DAB1: variants seen among roughly 807,000 people sequenced by gnomAD.
The protein encoded by DAB1 is disabled homolog 1.
A neutral mutation model predicts 64.6 loss-of-function variants in DAB1; 15 were observed. The observed-to-expected ratio is 0.23, with a 90% CI of 0.16 to 0.36. The LOEUF is 0.36. Ranked by LOEUF, DAB1 falls within the 10% of genes least tolerant of loss-of-function variation. DAB1 has a pLI of 1.00. For missense variants in DAB1, 596 were observed against 706.7 expected, an observed-to-expected ratio of 0.84 and a Z score of 1.78; for synonymous variants, 235 against 251.9, an observed-to-expected ratio of 0.93 and a Z score of 0.64.
chr1:58,277,037 C>CT lies in DAB1; in HGVS notation n.309+66314dup, dbSNP rs869207396. Reference sequence around the variant, plus strand: ...AGAGTGTTGCAGAGACTTTTTTTTTCTTTTTTTTTTTTTTTTTTTTGAGAC... The same window carrying CT: ...AGAGTGTTGCAGAGACTTTTTTTTTCTTTTTTTTTTTTTTTTTTTTTGAGAC... On this transcript the variant is annotated intron_variant and non_coding_transcript_variant, in intron 4 of 20. Transcript: ENST00000485760. 5.2e-3 allele frequency among the ~76,000 whole-genome samples: 413 copies of CT among 79,636 alleles called. 6 individuals are homozygous for CT. The highest frequency in any genetic ancestry group is 6.2e-3 in the Admixed American group (42 of 6,794). 52.2% of individuals were successfully genotyped at this position (79,636 alleles called of 152,430 possible).
intron 5 of DAB1, among the ~76,000 whole-genome samples, chr1:58,041,088 C>T (rs1239408285): frequency 6.6e-6 from 1 of 152,286 alleles, no homozygotes; most frequent in Middle Eastern, 3.4e-3. Context: ...ACATACTCTC[C>T]TAATAATCTT....
At chr1:58,396,140 G>C (rs1226708382) in intron 3 of DAB1, among the ~76,000 whole-genome samples, 2 of 151,710 alleles carry the variant, frequency 1.3e-5, no homozygotes, top group Non-Finnish European at 2.9e-5. Flanking sequence ...AGGGGAGGGG[G>C]GGATGGAAAT....
At chr1:57,241,122 C>G (rs1325863271) in intron 2 of DAB1, among the ~76,000 whole-genome samples, 1 of 152,138 alleles carries the variant, frequency 6.6e-6, no homozygotes, top group Non-Finnish European at 1.5e-5. Flanking sequence ...CATAGTATCT[C>G]CAGTACTTAG....
At chr1:58,217,827 C>T (rs1304639124) in intron 4 of DAB1, among the ~76,000 whole-genome samples, 1 of 152,094 alleles carries the variant, frequency 6.6e-6, no homozygotes. Flanking sequence ...GTACCTAACA[C>T]AGAGCCCGGC....
Position 57,209,779 on chromosome 1 carries a change from T to G in DAB1, c.68-64350A>C, listed in dbSNP as rs143764858. Among the ~76,000 whole-genome samples the G allele has an allele frequency of 6.8e-3, 1,043 of 152,326 alleles. 5 individuals carry two copies. Among genetic ancestry groups the G allele is most frequent in the Admixed American group, 0.013 (204 of 15,294 alleles). On this transcript the variant is annotated intron_variant, in intron 2 of 14. Coordinates refer to ENST00000371236, the MANE Select transcript of DAB1 (RefSeq NM_001365792.1). ...GCCCTCTCCCTATTGTTTAATTCAA[T>G]GGCTCTCAATTGTTTCTCTCCTCTG...
At chr1:57,538,802 G>A (rs1183459122) in intron 7 of DAB1, among the ~76,000 whole-genome samples, 1 of 152,026 alleles carries the variant, frequency 6.6e-6, no homozygotes, top group Non-Finnish European at 1.5e-5. Flanking sequence ...GCAAACAAAA[G>A]TTCTATATTC....
intron 4 of DAB1, among the ~76,000 whole-genome samples, chr1:57,127,081 G>T (rs1312493945): frequency 2.6e-5 from 4 of 152,148 alleles, no homozygotes; most frequent in Non-Finnish European, 5.9e-5. Context: ...GATACAAATA[G>T]CTCCTGCAAG....
At chr1:57,975,293 A>G (rs1645893364) in intron 5 of DAB1, among the ~76,000 whole-genome samples, 1 of 152,202 alleles carries the variant, frequency 6.6e-6, no homozygotes, top group African/African-American at 2.4e-5. Context: ...CTGTGATAAT[A>G]TATTACAGTA....
At chr1:57,771,788 C>G (rs1557471383) in intron 6 of DAB1, among the ~76,000 whole-genome samples, 1 of 152,092 alleles carries the variant, frequency 6.6e-6, no homozygotes. Context: ...GATCTAATTT[C>G]AGTCATGATA....
At chr1:58,029,198 GC>G (rs1176559270) in intron 5 of DAB1, among the ~76,000 whole-genome samples, 2 of 152,208 alleles carry the variant, frequency 1.3e-5, no homozygotes, top group Non-Finnish European at 2.9e-5. Context: ...TGTCTGGGTA[GC>G]CCTTATCCCA....
At chr1:57,361,230 CAG>C (rs1443366844) in intron 1 of DAB1, among the ~76,000 whole-genome samples, 1 of 152,140 alleles carries the variant, frequency 6.6e-6, no homozygotes, top group Non-Finnish European at 1.5e-5. Context: ...TGAATGTACT[CAG>C]TGTCTGGATG....
intron 11 of DAB1, among the ~76,000 whole-genome samples, chr1:57,021,428 A>G (rs1196852719): frequency 6.6e-6 from 1 of 152,186 alleles, no homozygotes; most frequent in Non-Finnish European, 1.5e-5. Context: ...ATGTGGAGAT[A>G]AATGAATCAT....
chr1:58,123,594 T>C (rs923707276), intron 5 of DAB1, among the ~76,000 whole-genome samples: 1 of 152,160 alleles, frequency 6.6e-6, no homozygotes, highest in Admixed American at 6.5e-5. Flanking sequence ...ATAGAACATA[T>C]AGTTCCCCTT....
intron 1 of DAB1, among the ~76,000 whole-genome samples, chr1:57,328,560 G>T (rs146460727): frequency 6.6e-6 from 1 of 152,186 alleles, no homozygotes; most frequent in African/African-American, 2.4e-5. Context: ...GTGTGTCCAT[G>T]TCATTGCCTT....
chr1:57,274,573 G>A (rs542783206), intron 2 of DAB1, among the ~76,000 whole-genome samples: 1 of 152,180 alleles, frequency 6.6e-6, no homozygotes, highest in East Asian at 1.9e-4. Flanking sequence ...CATATTCCAG[G>A]CTTTCAGTGA....
chr1:57,562,441 C>T (rs2793637), intron 7 of DAB1, among the ~76,000 whole-genome samples: 34,266 of 152,252 alleles, frequency 0.23, 4,041 homozygotes, highest in South Asian at 0.41. Context: ...ATTCACTGGT[C>T]TTACCATGTT....
chr1:58,065,046 T>C lies in DAB1; in HGVS notation n.387+85465A>G, dbSNP rs536422885. Among the ~76,000 whole-genome samples, 27 of 152,324 alleles carry C rather than the reference T, an allele frequency of 1.8e-4. No individual in the cohort carries two copies. In the South Asian group the frequency reaches 5.4e-3, roughly 30 times the overall value. ...AATTTGCTGAGGGCTTATTCTGAGT[T>C]GGGTACTATGCTACCTAAGCCAGTT... On this transcript the variant is annotated intron_variant and non_coding_transcript_variant, in intron 5 of 20. Coordinates refer to the DAB1 transcript ENST00000485760.
intron 1 of DAB1, among the ~76,000 whole-genome samples, chr1:57,313,992 T>C (rs1674966668): frequency 6.6e-6 from 1 of 152,156 alleles, no homozygotes; most frequent in Admixed American, 6.5e-5. Context: ...CCTTCCAGCC[T>C]CCAGGACTGT....
At chr1:57,612,231 G>A (rs534244561) in intron 7 of DAB1, among the ~76,000 whole-genome samples, 21 of 138,814 alleles carry the variant, frequency 1.5e-4, no homozygotes, top group South Asian at 9.5e-4. Context: ...ATGTGTGTGC[G>A]TGTGTGTGTG....
Sources: gnomAD v4.1 joint callset for allele counts (sites outside exome capture counted in the v4.1 genomes callset) on GRCh38, gnomAD v4.1.1 for gene constraint, MANE v1.5 for transcripts, NCBI Gene and HGNC (gene_info 2026-07-23, HGNC 2026-07-21) for gene names.